The following SYNGR1 variants were observed in gnomAD, a reference collection of about 807,000 sequenced individuals.
SYNGR1 encodes the protein synaptogyrin 1.
SYNGR1 carries 14 observed loss-of-function variants against 26.1 expected under a neutral mutation model. The ratio of observed to expected loss-of-function variants is 0.54; its 90% CI spans 0.35 to 0.84. The LOEUF (loss-of-function observed/expected upper bound fraction) is 0.84. SYNGR1 is among the 40% of genes least tolerant of loss of function. SYNGR1 has a pLI of 0.01. For synonymous variants in SYNGR1, 141 were observed against 150.1 expected (o/e 0.94, Z 0.44); for missense variants, 319 against 332.9 (o/e 0.96, Z 0.33).
chr22:39,384,751 C>T lies in SYNGR1; in HGVS notation c.*2837C>T, dbSNP rs1199038743. ...GGACCCTGCAGGGTGGCTCCCTCCT[C>T]CCCATCAAGCACAAGAGAGGGCCCA... On this transcript the variant is annotated 3_prime_UTR_variant, in exon 4 of 4. Coordinates refer to ENST00000328933, the MANE Select transcript of SYNGR1 (RefSeq NM_004711.5). 1 of 398,962 alleles carries T rather than the reference C, an allele frequency of 2.5e-6. No individual in the cohort carries two copies. The highest frequency in any genetic ancestry group is 4.4e-6 in the Non-Finnish European group (1 of 226,070). 24.7% of individuals were successfully genotyped at this position (398,962 alleles called of 1,614,324 possible).
chr22:39,377,824 C>G, intron 3 of SYNGR1: 1 of 1,527,188 alleles, frequency 6.5e-7, no homozygotes, highest in Non-Finnish European at 8.8e-7. Flanking sequence ...GGAACCAATT[C>G]AGGTTCTCCA....
chr22:39,350,061 C>T lies in SYNGR1; in HGVS notation c.51C>T (p.Pro17=), dbSNP rs1062694. The T allele has an allele frequency of 6.8e-6, 10 of 1,461,904 alleles. No individual in the cohort carries two copies. Among genetic ancestry groups the T allele is most frequent in the Non-Finnish European group, 9.1e-6 (10 of 1,093,394 alleles). 90.6% of individuals were successfully genotyped at this position (1,461,904 alleles called of 1,614,324 possible). The change falls in exon 1 of 4, where the codon CCC becomes CCT. Residue 17 remains proline, a synonymous_variant. Transcript: ENST00000328933. The surrounding 1 kb of genome is among the most constrained non-coding windows in gnomAD (Gnocchi z 4.3). Reference sequence around the variant, plus strand: ...GCAAAGCCGGGGGCGCCTTCGACCCCTACACCCTGGTCCGGCAGCCGCACA... The same window carrying T: ...GCAAAGCCGGGGGCGCCTTCGACCCTTACACCCTGGTCCGGCAGCCGCACA... The part of the protein sequence containing the change: ...GAGKAGGAFD[P]YTLVRQPHTI...
At chr22:39,379,407 G>T (rs1268962912) in intron 3 of SYNGR1, among the ~76,000 whole-genome samples, 1 of 152,216 alleles carries the variant, frequency 6.6e-6, no homozygotes, top group Non-Finnish European at 1.5e-5. Context: ...GCCAAGGCAG[G>T]CGGATCACCT....
At chr22:39,372,353 G>C (rs1925064850) in intron 1 of SYNGR1, among the ~76,000 whole-genome samples, 1 of 147,038 alleles carries the variant, frequency 6.8e-6, no homozygotes, top group Non-Finnish European at 1.5e-5. Flanking sequence ...GGATGGTCTT[G>C]ATCTCCTGAC....
intron 1 of SYNGR1, among the ~76,000 whole-genome samples, chr22:39,361,804 A>G (rs1198710173): frequency 1.3e-5 from 2 of 151,962 alleles, no homozygotes; most frequent in Non-Finnish European, 2.9e-5. Flanking sequence ...TTTGGTTGGC[A>G]TTTACACCCC....
intron 1 of SYNGR1, among the ~76,000 whole-genome samples, chr22:39,371,310 A>G (rs981101590): frequency 6.6e-6 from 1 of 151,318 alleles, no homozygotes; most frequent in Non-Finnish European, 1.5e-5. Flanking sequence ...AACCCCATCT[A>G]TACTAAAAAT....
chr22:39,366,182 C>G (rs934230664), intron 1 of SYNGR1, among the ~76,000 whole-genome samples: 1 of 147,414 alleles, frequency 6.8e-6, no homozygotes, highest in Non-Finnish European at 1.5e-5. Flanking sequence ...CTAGGCTGGT[C>G]TCAAACCCCT....
At chr22:39,373,790 A>T (rs1176122578) in intron 1 of SYNGR1, among the ~76,000 whole-genome samples, 1 of 151,964 alleles carries the variant, frequency 6.6e-6, no homozygotes, top group Non-Finnish European at 1.5e-5. Flanking sequence ...GCCCACTGTT[A>T]TTTTTTCATT....
Position 39,385,100 on chromosome 22 carries a change from G to A in SYNGR1, c.*3186G>A, listed in dbSNP as rs998473237. The A allele has an allele frequency of 2.5e-6, 1 of 398,356 alleles. No individual in the cohort carries two copies. The highest frequency in any genetic ancestry group is 4.4e-6 in the Non-Finnish European group (1 of 225,934). 24.7% of individuals were successfully genotyped at this position (398,356 alleles called of 1,614,324 possible). On this transcript the variant is annotated 3_prime_UTR_variant, in exon 4 of 4. Coordinates refer to ENST00000328933, the MANE Select transcript of SYNGR1 (RefSeq NM_004711.5). ...CCCATGTAACTGAGACACCCTGCCTGTTAGCCCTGGGAGACCCCTAACCTT... is the reference window on the plus strand; with the variant it reads ...CCCATGTAACTGAGACACCCTGCCTATTAGCCCTGGGAGACCCCTAACCTT...
Position 39,350,323 on chromosome 22 carries a change from C to A in SYNGR1, c.99+214C>A, listed in dbSNP as rs1002157794. Among the ~76,000 whole-genome samples, 1 of 152,018 alleles carries A rather than the reference C, an allele frequency of 6.6e-6. No homozygotes were observed. Among genetic ancestry groups the A allele is most frequent in the African/African-American group, 2.4e-5 (1 of 41,442 alleles). ...GGATCCCTGGTGCTCGCGGGAGACGCCGCTCCGGCTCCCGGAGCCCTGGTT... is the reference window on the plus strand; with the variant it reads ...GGATCCCTGGTGCTCGCGGGAGACGACGCTCCGGCTCCCGGAGCCCTGGTT... On this transcript the variant is annotated intron_variant, in intron 1 of 3. Coordinates refer to ENST00000328933, the MANE Select transcript of SYNGR1 (RefSeq NM_004711.5). The surrounding 1 kb of genome is among the most constrained non-coding windows in gnomAD (Gnocchi z 4.3).
intron 3 of SYNGR1, chr22:39,378,223 C>T: frequency 1.9e-6 from 2 of 1,051,438 alleles, no homozygotes; most frequent in Non-Finnish European, 1.2e-6. Flanking sequence ...GCTATGTGAC[C>T]CTGACAAACC....
At chr22:39,364,124 G>A (rs1924619299) in intron 1 of SYNGR1, 1 of 1,608,972 alleles carries the variant, frequency 6.2e-7, no homozygotes, top group African/African-American at 1.3e-5. Context: ...CTCCCCTCAA[G>A]TAAAGTGGGC....
intron 3 of SYNGR1, among the ~76,000 whole-genome samples, chr22:39,381,147 C>T (rs779079345): frequency 1.3e-5 from 2 of 152,176 alleles, no homozygotes; most frequent in African/African-American, 2.4e-5. Context: ...AGACTTGGCT[C>T]ATGGTCTTTG....
At chr22:39,352,779 C>T (rs542379917) in intron 1 of SYNGR1, among the ~76,000 whole-genome samples, 2 of 152,296 alleles carry the variant, frequency 1.3e-5, no homozygotes, top group East Asian at 1.9e-4. Context: ...CAATTTGTCA[C>T]CCTGTCCAGG....
rs1006510097 is a variant in SYNGR1 at position 39,385,148 on chromosome 22, C to G, written c.*3234C>G. The G allele has an allele frequency of 2.5e-6, 1 of 397,008 alleles. No individual in the cohort carries two copies. Among genetic ancestry groups the G allele is most frequent in the African/African-American group, 2.1e-5 (1 of 48,594 alleles). The allele number at this position is 397,008 out of a possible 1,614,324, so 24.6% of individuals were successfully genotyped here. A position where few individuals can be genotyped will look rare whatever the true frequency, so the allele number is the denominator to read the frequency against. On this transcript the variant is annotated 3_prime_UTR_variant, in exon 4 of 4. Coordinates refer to ENST00000328933, the MANE Select transcript of SYNGR1 (RefSeq NM_004711.5). ...CTTGGCCCAAGACCCCTTTGATTCT[C>G]TAAGGAGCACGAAAGGGGGAATGCC...
At chr22:39,354,925 A>T (rs1287727434) in intron 1 of SYNGR1, among the ~76,000 whole-genome samples, 1 of 151,888 alleles carries the variant, frequency 6.6e-6, no homozygotes, top group African/African-American at 2.4e-5. Context: ...CCAACTTGCC[A>T]TGTGCCAGCC....
chr22:39,359,500 G>A (rs539619311), intron 1 of SYNGR1, among the ~76,000 whole-genome samples: 192 of 151,806 alleles, frequency 1.3e-3, no homozygotes, highest in African/African-American at 3.1e-3. Context: ...GTGTGGTGGC[G>A]GGGGCCTGTA....
intron 1 of SYNGR1, among the ~76,000 whole-genome samples, chr22:39,357,247 A>G (rs1222138261): frequency 2.0e-5 from 3 of 152,024 alleles, no homozygotes; most frequent in African/African-American, 7.2e-5. Flanking sequence ...GCCAGGCAAC[A>G]GAGCAAGACT....
At chr22:39,379,406 G>A (rs558590244) in intron 3 of SYNGR1, among the ~76,000 whole-genome samples, 5 of 152,200 alleles carry the variant, frequency 3.3e-5, no homozygotes, top group African/African-American at 4.8e-5. Flanking sequence ...GGCCAAGGCA[G>A]GCGGATCACC....
Sources: allele counts gnomAD v4.1 joint callset (sites outside exome capture counted in the v4.1 genomes callset), GRCh38; gene constraint gnomAD v4.1.1; non-coding constraint Gnocchi (gnomAD v3.1); transcripts MANE v1.5; gene names NCBI Gene and HGNC (gene_info 2026-07-23, HGNC 2026-07-21).